PLXNB2: variants seen among roughly 807,000 people sequenced by gnomAD.
The protein encoded by PLXNB2 is plexin-B2.
PLXNB2 carries 85 observed loss-of-function variants against 202.6 expected under a neutral mutation model. The observed-to-expected ratio is 0.42, with a 90% confidence interval of 0.35 to 0.50. The LOEUF (loss-of-function observed/expected upper bound fraction) is 0.50, where lower values mean the gene tolerates loss of function less well. PLXNB2 is among the 20% of genes least tolerant of loss of function. PLXNB2 has a pLI of 0.02. For missense variants in PLXNB2, 2,063 were observed against 2,586.2 expected (o/e 0.80, Z 4.39); for synonymous variants, 1,239 against 1,137.6 (o/e 1.09, Z -1.79).
At chr22:50,280,353 G>GCCCCCCCCCCC in intron 25 of PLXNB2, 136 bp downstream of exon 25, 1 of 798,870 alleles carries the variant, frequency 1.3e-6, no homozygotes, top group African/African-American at 1.8e-5. Context: ...CCCCTAGACC[G>GCCCCCCCCCCC]CCCCCCACCA....
rs1003585520 is a variant in PLXNB2 at position 50,287,557 on chromosome 22, G to T, written c.1608+110C>A. The T allele has an allele frequency of 4.5e-6, 5 of 1,121,684 alleles. No homozygotes were observed. In the African/African-American group the frequency reaches 7.8e-5, roughly 17 times the overall value. The allele number at this position is 1,121,684 out of a possible 1,614,324, so 69.5% of individuals were successfully genotyped here. On this transcript the variant is annotated intron_variant, in intron 7 of 36. Coordinates refer to ENST00000359337, the MANE Select transcript of PLXNB2 (RefSeq NM_012401.4). The stretch of plus-strand genomic sequence containing the variant: ...AAGGCTCGGTGCCCAGAGCCCAGGC[G>T]GGGGAGATGTGGAGCCCTCCCCTGC...
chr22:50,278,348 T>A, intron 30 of PLXNB2, 77 bp from the exon 31 acceptor site: 1 of 1,574,550 alleles, frequency 6.4e-7, no homozygotes, highest in Non-Finnish European at 8.7e-7. Flanking sequence ...GGTGGCAGGG[T>A]GGGCAGGGGT....
In PLXNB2 at chr22:50,288,687, T is replaced by C. The variant is rs2147511276; in HGVS notation, c.1380+56A>G. ...CCAGGCCTGTCCTAAGGGCCTGGGA[T>C]GCAATGACCGGGCACACTTGGCCTA... On this transcript the variant is annotated intron_variant, in intron 5 of 36. Transcript: ENST00000359337. This position sits in a 1 kb window ranked among gnomAD's most constrained non-coding sequence, Gnocchi z 5.0. The C allele has an allele frequency of 6.2e-7, 1 of 1,601,746 alleles. No homozygotes were observed. The highest frequency in any genetic ancestry group is 2.2e-5 in the East Asian group (1 of 44,752).
rs776337845 is a variant in PLXNB2, at chr22:50,280,731, A to G, written c.3993+13T>C. On this transcript the variant is annotated intron_variant, in intron 24 of 36. Transcript: ENST00000359337. ...ACCTGTGTGCCCTCCCGCCCGCCCG[A>G]CGCCTGGCTCACATTGATGAGGAAA... The G allele has an allele frequency of 1.2e-6, 1 of 825,630 alleles. No individual in the cohort carries two copies. 51.1% of individuals were successfully genotyped at this position (825,630 alleles called of 1,614,324 possible). A position where few individuals can be genotyped will look rare whatever the true frequency, so the allele number is the denominator to read the frequency against.
At chr22:50,286,547 C>T (rs1357754763) in intron 8 of PLXNB2, among the ~76,000 whole-genome samples, 1 of 152,216 alleles carries the variant, frequency 6.6e-6, no homozygotes, top group Non-Finnish European at 1.5e-5. Flanking sequence ...GGGCGCAGCA[C>T]CGGGCTTGCC....
intron 1 of PLXNB2, among the ~76,000 whole-genome samples, chr22:50,303,283 C>T (rs1041890200): frequency 1.3e-5 from 2 of 152,202 alleles, no homozygotes; most frequent in African/African-American, 4.8e-5. Context: ...TGAGGCATAG[C>T]CCCCTGGAAA....
chr22:50,280,714 G>GGGGGCCCCCC, intron 24 of PLXNB2, 30 bp downstream of exon 24: 1 of 1,528,946 alleles, frequency 6.5e-7, no homozygotes. Context: ...CCACCTGTGT[G>GGGGGCCCCCC]CCCTCCCGCC....
intron 1 of PLXNB2, among the ~76,000 whole-genome samples, chr22:50,303,945 C>T (rs967247525): frequency 1.3e-5 from 2 of 152,238 alleles, no homozygotes; most frequent in African/African-American, 4.8e-5. Flanking sequence ...CTGGACCTGC[C>T]CCCAGGCGCC....
chr22:50,281,241 G>T, intron 22 of PLXNB2, 52 bp from the exon 23 acceptor site: 1 of 1,574,922 alleles, frequency 6.3e-7, no homozygotes, highest in Non-Finnish European at 8.7e-7. Flanking sequence ...CCGCTCAGCT[G>T]CCCGGATGAG....
rs746784728 is a variant in PLXNB2, at chr22:50,289,601, G to C, written c.984C>G (p.Asn328Lys). The change falls in exon 3 of 37, where the codon AAC becomes AAG. Residue 328 changes from asparagine (N) to lysine (K), a missense_variant. Asn to Lys is a moderately conservative substitution (Grantham distance 94). Around this residue, in one of 2 missense-constraint regions of PLXNB2, gnomAD observed 1,303 missense variants for 1,476.8 expected, o/e 0.88. Coordinates refer to ENST00000359337, the MANE Select transcript of PLXNB2 (RefSeq NM_012401.4). The surrounding 1 kb of genome is among the most constrained non-coding windows in gnomAD (Gnocchi z 8.0). ...KVHAKMEANR[N>K]ACYTGTREAR... The stretch of plus-strand genomic sequence containing the variant: ...CCTCCCGGGTGCCTGTGTAACAGGC[G>C]TTGCGGTTGGCCTCCATCTTGGCGT... The C allele has an allele frequency of 6.2e-7, 1 of 1,610,590 alleles. No homozygotes were observed. Among genetic ancestry groups the C allele is most frequent in the Non-Finnish European group, 8.5e-7 (1 of 1,179,834 alleles).
rs560464667 is a variant in PLXNB2, at chr22:50,306,094, G to A, written c.-74+1459C>T. 2.4e-4 allele frequency among the ~76,000 whole-genome samples: 36 copies of A among 152,340 alleles called. No individual in the cohort carries two copies. In the East Asian group the frequency reaches 5.0e-3, roughly 21 times the overall value. On this transcript the variant is annotated intron_variant, in intron 1 of 36. Transcript: ENST00000359337. ...CCTCCCGCTTCGGGTGACTGGACACGGCTGGATGATCCAAAATAATTCTTT... is the reference window on the plus strand; with the variant it reads ...CCTCCCGCTTCGGGTGACTGGACACAGCTGGATGATCCAAAATAATTCTTT...
rs368718476 is a variant in PLXNB2 at position 50,280,980 on chromosome 22, G to T, written c.3764-7C>A. The T allele has an allele frequency of 6.2e-7, 1 of 1,611,802 alleles. No homozygotes were observed. Among genetic ancestry groups the T allele is most frequent in the Non-Finnish European group, 8.5e-7 (1 of 1,179,044 alleles). On this transcript the variant is annotated splice_polypyrimidine_tract_variant and splice_region_variant and intron_variant, in intron 23 of 36. Transcript: ENST00000359337. ...TCCATCTCGATCATCAGGTCTGGGG[G>T]GAGGCTGGCGTGAGACGTCCCTGGC...
Position 50,281,404 on chromosome 22 carries a change from G to C in PLXNB2, c.3618C>G (p.Ile1206Met). ...VPLSLILPLV[I>M]VPMVVVIAVS... ...CCGCGATGACGACCACCATGGGCAC[G>C]ATGACCAGCGGCAAGATGAGGCTGA... Residue 1206 changes from isoleucine to methionine, a missense_variant, in exon 22 of 37, where the codon ATC becomes ATG. This residue lies in a region of PLXNB2 where 760 missense variants were observed against 1,109.4 expected (regional missense o/e 0.69). Transcript: ENST00000359337. 6.2e-7 allele frequency: 1 copy of C among 1,612,372 alleles called. No homozygotes were observed. Among genetic ancestry groups the C allele is most frequent in the Non-Finnish European group, 8.5e-7 (1 of 1,179,746 alleles).
chr22:50,299,315 G>C (rs1444703095), intron 1 of PLXNB2, among the ~76,000 whole-genome samples: 1 of 148,850 alleles, frequency 6.7e-6, no homozygotes, highest in African/African-American at 2.5e-5. Flanking sequence ...GGGGGGCCCG[G>C]TGCGGGGGCG....
At chr22:50,306,241 G>A (rs921410484) in intron 1 of PLXNB2, among the ~76,000 whole-genome samples, 1 of 152,160 alleles carries the variant, frequency 6.6e-6, no homozygotes. Context: ...CAGACCCCCC[G>A]GGACAGAGGT....
chr22:50,299,994 C>T (rs1427545007), intron 1 of PLXNB2, among the ~76,000 whole-genome samples: 1 of 152,100 alleles, frequency 6.6e-6, no homozygotes, highest in Non-Finnish European at 1.5e-5. Flanking sequence ...GCGCCCGGGG[C>T]CAGGAAGCGC....
intron 25 of PLXNB2, 87 bp downstream of exon 25, chr22:50,280,402 A>G (rs946691633): frequency 3.8e-6 from 5 of 1,313,228 alleles, no homozygotes; most frequent in South Asian, 1.5e-5. Context: ...TGGGGGCCCA[A>G]CAGGCCGCTG....
intron 2 of PLXNB2, among the ~76,000 whole-genome samples, chr22:50,290,867 AGG>A (rs1200909104): frequency 3.3e-5 from 5 of 152,178 alleles, no homozygotes; most frequent in Non-Finnish European, 7.4e-5. Flanking sequence ...TCCCTCCCGG[AGG>A]TGCTGAAAAC....
chr22:50,287,662 C>T lies in PLXNB2; in HGVS notation c.1608+5G>A. 4 of 1,538,464 alleles carry T rather than the reference C, an allele frequency of 2.6e-6. No individual in the cohort carries two copies. Among genetic ancestry groups the T allele is most frequent in the East Asian group, 2.4e-5 (1 of 41,134 alleles). On this transcript the variant is annotated splice_donor_5th_base_variant and intron_variant, in intron 7 of 36. Transcript: ENST00000359337. ...CAGGACCCCCACCCCAGACCCACCA[C>T]GCACCTCCCCCTGGGCCCGCCGGCT...
Sources: allele counts gnomAD v4.1 joint callset (sites outside exome capture counted in the v4.1 genomes callset), GRCh38; gene constraint gnomAD v4.1.1; regional missense constraint gnomAD v4.1.1; non-coding constraint Gnocchi (gnomAD v3.1); transcripts MANE v1.5; gene names NCBI Gene and HGNC (gene_info 2026-07-23, HGNC 2026-07-21).